PIGL: variants seen among roughly 807,000 people sequenced by gnomAD.
PIGL encodes the protein N-acetylglucosaminyl-phosphatidylinositol de-N-acetylase.
Under a neutral mutation model 31.1 loss-of-function variants are expected in PIGL, and 22 were observed. The ratio of observed to expected loss-of-function variants is 0.71; its 90% CI spans 0.51 to 1.01. The LOEUF is 1.01. Among genes scored for constraint, PIGL ranks in the 50% least tolerant of loss-of-function variants. PIGL has a pLI of 0.00. For synonymous variants in PIGL, 131 were observed against 117.4 expected, an observed-to-expected ratio of 1.12 and a Z score of -0.75; for missense variants, 302 against 315.9, an observed-to-expected ratio of 0.96 and a Z score of 0.33.
intron 2 of PIGL, among the ~76,000 whole-genome samples, chr17:16,262,216 C>T (rs1020643952): frequency 1.3e-5 from 2 of 152,116 alleles, no homozygotes; most frequent in Non-Finnish European, 2.9e-5. Flanking sequence ...GAGTGACACC[C>T]TGTCTCAAGA....
intron 2 of PIGL, among the ~76,000 whole-genome samples, chr17:16,252,492 A>G (rs892449534): frequency 1.3e-5 from 2 of 151,822 alleles, no homozygotes; most frequent in African/African-American, 4.8e-5. Context: ...CAGGGAAGAG[A>G]GATAATCACT....
intron 2 of PIGL, among the ~76,000 whole-genome samples, chr17:16,246,810 C>T (rs1475700732): frequency 2.7e-5 from 4 of 150,084 alleles, no homozygotes; most frequent in African/African-American, 2.4e-5. Context: ...CTCAGCCTCC[C>T]GAGTAGCTGG....
intron 2 of PIGL, among the ~76,000 whole-genome samples, chr17:16,279,088 TG>T (rs1016221345): frequency 3.9e-5 from 6 of 152,192 alleles, no homozygotes; most frequent in African/African-American, 1.4e-4. Flanking sequence ...GTTGGCCAAT[TG>T]GTGCTGCAGT....
intron 5 of PIGL, chr17:16,317,435 C>A: frequency 9.7e-7 from 1 of 1,032,296 alleles, no homozygotes; most frequent in Non-Finnish European, 1.2e-6. Context: ...ACTGACAGAG[C>A]TGGAACCAGG....
chr17:16,263,607 C>T (rs570590749), intron 2 of PIGL, among the ~76,000 whole-genome samples: 2 of 151,754 alleles, frequency 1.3e-5, no homozygotes, highest in Non-Finnish European at 2.9e-5. Context: ...TCAATGCAAC[C>T]TCTGCTTTCC....
intron 1 of PIGL, among the ~76,000 whole-genome samples, chr17:16,224,044 G>A (rs2092640899): frequency 2.0e-5 from 3 of 151,936 alleles, no homozygotes; most frequent in Non-Finnish European, 4.4e-5. Context: ...GTGAAACCCT[G>A]TCTCTACTAA....
At chr17:16,233,600 A>G (rs549669144) in intron 1 of PIGL, among the ~76,000 whole-genome samples, 5 of 152,232 alleles carry the variant, frequency 3.3e-5, no homozygotes, top group African/African-American at 1.2e-4. Flanking sequence ...AGGACTGTCA[A>G]TGAAGAGGGG....
intron 2 of PIGL, among the ~76,000 whole-genome samples, chr17:16,294,521 G>A (rs1487496337): frequency 2.0e-5 from 3 of 152,188 alleles, no homozygotes; most frequent in African/African-American, 4.8e-5. Flanking sequence ...CATAAAGCTG[G>A]AAAACTCTTA....
At chr17:16,309,580 C>T (rs1441600191) in intron 3 of PIGL, among the ~76,000 whole-genome samples, 1 of 150,206 alleles carries the variant, frequency 6.7e-6, no homozygotes, top group Non-Finnish European at 1.5e-5. Context: ...GGCCACATAA[C>T]GAAACCCCAT....
chr17:16,312,018 T>A (rs1600856033), intron 3 of PIGL, among the ~76,000 whole-genome samples: 2 of 146,590 alleles, frequency 1.4e-5, no homozygotes, highest in South Asian at 2.2e-4. Context: ...GGCTCCTCAC[T>A]TCCCAGACGG....
At chr17:16,250,785 A>T (rs1448356928) in intron 2 of PIGL, among the ~76,000 whole-genome samples, 3 of 152,218 alleles carry the variant, frequency 2.0e-5, no homozygotes, top group Non-Finnish European at 2.9e-5. Context: ...ACACAGTGGG[A>T]GGTTGAGTAA....
chr17:16,283,467 C>CAA (rs113443431), intron 2 of PIGL, among the ~76,000 whole-genome samples: 1 of 145,750 alleles, frequency 6.9e-6, no homozygotes, highest in African/African-American at 2.5e-5. Context: ...GACCCTATTT[C>CAA]AAAAAAAAAA....
intron 2 of PIGL, among the ~76,000 whole-genome samples, chr17:16,253,282 C>A (rs961055081): frequency 6.6e-6 from 1 of 152,006 alleles, no homozygotes; most frequent in Non-Finnish European, 1.5e-5. Context: ...ACAACAACAA[C>A]AAAAACGTAA....
At chr17:16,278,187 C>G (rs1228129185) in intron 2 of PIGL, among the ~76,000 whole-genome samples, 4 of 152,072 alleles carry the variant, frequency 2.6e-5, no homozygotes. Flanking sequence ...TACCGAGTAA[C>G]TGGGATTACA....
intron 1 of PIGL, among the ~76,000 whole-genome samples, chr17:16,224,916 A>C (rs749287349): frequency 6.6e-6 from 1 of 152,192 alleles, no homozygotes; most frequent in Non-Finnish European, 1.5e-5. Context: ...TCAGCCTCCC[A>C]AAGTGCTGGG....
intron 1 of PIGL, among the ~76,000 whole-genome samples, chr17:16,233,245 G>T (rs1423483705): frequency 6.6e-6 from 1 of 152,148 alleles, no homozygotes; most frequent in Non-Finnish European, 1.5e-5. Flanking sequence ...TAGCTGGACA[G>T]TTGCTCAAAA....
chr17:16,234,470 A>G (rs1360830776), intron 2 of PIGL, among the ~76,000 whole-genome samples: 2 of 148,722 alleles, frequency 1.3e-5, no homozygotes, highest in Non-Finnish European at 3.0e-5. Flanking sequence ...AGTCTACATA[A>G]AATAACTTCA....
At chr17:16,324,253 T>A (rs1225297300) in intron 6 of PIGL, 3 of 151,812 alleles carry the variant, frequency 2.0e-5, no homozygotes, top group Admixed American at 2.0e-4. Context: ...GCATGAGCCA[T>A]TGCGCCTAGC....
intron 2 of PIGL, among the ~76,000 whole-genome samples, chr17:16,242,709 T>G (rs2092728368): frequency 7.2e-6 from 1 of 139,138 alleles, no homozygotes; most frequent in Non-Finnish European, 1.5e-5. Context: ...CTCTGCCTCC[T>G]GGGTTCAAGT....
Sources: allele counts gnomAD v4.1 joint callset (sites outside exome capture counted in the v4.1 genomes callset), GRCh38; gene constraint gnomAD v4.1.1; transcripts MANE v1.5; gene names NCBI Gene and HGNC (gene_info 2026-07-23, HGNC 2026-07-21).